The following MAPK8IP3 variants were observed in gnomAD, a reference collection of about 807,000 sequenced individuals.
The protein encoded by MAPK8IP3 is C-Jun-amino-terminal kinase-interacting protein 3.
MAPK8IP3 carries 49 observed loss-of-function variants against 157.8 expected under a neutral mutation model. The ratio of observed to expected loss-of-function variants is 0.31; its 90% CI spans 0.25 to 0.39. MAPK8IP3 has a LOEUF of 0.39. Among genes scored for constraint, MAPK8IP3 ranks in the 10% least tolerant of loss-of-function variants. The pLI, the probability that MAPK8IP3 is intolerant of heterozygous loss-of-function variation, is 1.00. For synonymous variants in MAPK8IP3, 897 were observed against 777.7 expected (o/e 1.15, Z -2.55); for missense variants, 1,478 against 1,889.4 (o/e 0.78, Z 4.04).
chr16:1,728,847 C>T (rs1315549684), intron 2 of MAPK8IP3, among the ~76,000 whole-genome samples: 4 of 149,470 alleles, frequency 2.7e-5, no homozygotes, highest in Non-Finnish European at 4.4e-5. Flanking sequence ...TCTCCCATGG[C>T]ACAGCACACA....
chr16:1,756,009 G>A (rs927283321), intron 8 of MAPK8IP3, among the ~76,000 whole-genome samples: 23 of 152,326 alleles, frequency 1.5e-4, no homozygotes, highest in South Asian at 1.4e-3. Flanking sequence ...GACTAGGGTG[G>A]AGCAGGTGCT....
At chr16:1,759,035 A>G in intron 10 of MAPK8IP3, 40 bp downstream of exon 10, 3 of 1,611,784 alleles carry the variant, frequency 1.9e-6, no homozygotes, top group Non-Finnish European at 2.5e-6. Context: ...TCGCTCCTCC[A>G]CCCCGACATG....
At position 1,723,486 on chromosome 16, in the gene MAPK8IP3, G is replaced by A. The variant is rs142691377; in HGVS notation, c.319-1071G>A. On this transcript the variant is annotated intron_variant, in intron 1 of 31. Coordinates refer to ENST00000610761, the MANE Select transcript of MAPK8IP3 (RefSeq NM_001318852.2). ...TTCTTTAAAATTAGCCAGGCATGGT[G>A]ACACATGCCTGTAGTCCCAGCTGCT... Among the ~76,000 whole-genome samples the A allele has an allele frequency of 5.2e-3, 796 of 152,172 alleles. 1 individual carries two copies. The highest frequency in any genetic ancestry group is 8.7e-3 in the Non-Finnish European group (589 of 68,014).
Position 1,706,376 on chromosome 16 carries a change from G to A in MAPK8IP3, c.37G>A (p.Val13Met), listed in dbSNP as rs753488461. Residue 13 changes from valine to methionine, a missense_variant, in exon 1 of 32, where the codon GTG (valine) becomes ATG (methionine). Around this residue, in one of 11 missense-constraint regions of MAPK8IP3, gnomAD observed 29 missense variants for 29.8 expected, o/e 0.97. Transcript: ENST00000610761. This position sits in a 1 kb window ranked among gnomAD's most constrained non-coding sequence, Gnocchi z 5.1. ...EIQMDEGGGV[V>M]VYQDDYCSGS... ...CCAGATGGACGAGGGCGGCGGCGTGGTGGTGTACCAGGACGACTACTGCTC... is the reference window on the plus strand; with the variant it reads ...CCAGATGGACGAGGGCGGCGGCGTGATGGTGTACCAGGACGACTACTGCTC... 1.9e-6 allele frequency: 3 copies of A among 1,609,706 alleles called. No individual in the cohort carries two copies. The East Asian group carries it at 6.7e-5, about 36-fold the overall frequency.
chr16:1,767,042 C>T lies in MAPK8IP3; in HGVS notation c.3088+71C>T, dbSNP rs375218229. The T allele has an allele frequency of 6.2e-5, 98 of 1,569,500 alleles. No individual in the cohort carries two copies. In the East Asian group the frequency reaches 1.4e-3, roughly 22 times the overall value. On this transcript the variant is annotated intron_variant, in intron 25 of 31. Coordinates refer to ENST00000610761, the MANE Select transcript of MAPK8IP3 (RefSeq NM_001318852.2). ...TGGCATTGTTTAGCCAAGGGGCTCC[C>T]GGGGTTCCAGGCCTCTCCTTAGTCT...
rs887798337 is a variant in MAPK8IP3 at position 1,751,076 on chromosome 16, G to A, written c.1216+2356G>A. Among the ~76,000 whole-genome samples the A allele has an allele frequency of 3.3e-5, 5 of 152,198 alleles. No individual in the cohort carries two copies. Among genetic ancestry groups the A allele is most frequent in the Non-Finnish European group, 7.3e-5 (5 of 68,034 alleles). On this transcript the variant is annotated intron_variant, in intron 8 of 31. Coordinates refer to ENST00000610761, the MANE Select transcript of MAPK8IP3 (RefSeq NM_001318852.2). The surrounding 1 kb of genome is among the most constrained non-coding windows in gnomAD (Gnocchi z 5.0). Reference sequence around the variant, plus strand: ...TCTCATTGTGGGCGGTGTCATTTCCGTGGGTGGCAGCACTGACGGGCACGG... The same window carrying A: ...TCTCATTGTGGGCGGTGTCATTTCCATGGGTGGCAGCACTGACGGGCACGG...
At chr16:1,730,641 A>C (rs2039245257) in intron 4 of MAPK8IP3, among the ~76,000 whole-genome samples, 1 of 152,168 alleles carries the variant, frequency 6.6e-6, no homozygotes, top group Admixed American at 6.6e-5. Flanking sequence ...CAGGAGATCG[A>C]GACCATCCTG....
chr16:1,753,702 A>G (rs2041431417), intron 8 of MAPK8IP3, among the ~76,000 whole-genome samples: 1 of 150,944 alleles, frequency 6.6e-6, no homozygotes, highest in Admixed American at 6.6e-5. Flanking sequence ...CGGCCTCCCA[A>G]AGTGCTGGGA....
Position 1,737,770 on chromosome 16 carries a change from G to A in MAPK8IP3, c.603-5562G>A, listed in dbSNP as rs529581843. ...TGACCATCCGTGTGTGTGACCATCC[G>A]TGTGAGTGACCATCCATGTGAGCAT... On this transcript the variant is annotated intron_variant, in intron 4 of 31. Coordinates refer to ENST00000610761, the MANE Select transcript of MAPK8IP3 (RefSeq NM_001318852.2). 9.4e-4 allele frequency among the ~76,000 whole-genome samples: 16 copies of A among 17,036 alleles called. 2 individuals are homozygous for A. The highest frequency in any genetic ancestry group is 0.013 in the East Asian group (1 of 76). 11.2% of individuals were successfully genotyped at this position (17,036 alleles called of 152,430 possible).
chr16:1,763,885 G>T lies in MAPK8IP3; in HGVS notation c.2025+102G>T, dbSNP rs560659487. On this transcript the variant is annotated intron_variant, in intron 17 of 31. Coordinates refer to ENST00000610761, the MANE Select transcript of MAPK8IP3 (RefSeq NM_001318852.2). ...CGGGGAGAGGGCGGGGCAGTGCTAG[G>T]GGGTGGGAGAGGACGGCGGGTGGGG... is the stretch of plus-strand genomic sequence containing the variant. 2.5e-5 allele frequency: 25 copies of T among 1,011,908 alleles called. No individual in the cohort carries two copies. The African/African-American group carries it at 3.8e-4, about 15-fold the overall frequency. The allele number at this position is 1,011,908 out of a possible 1,614,324, so 62.7% of individuals were successfully genotyped here. A position where few individuals can be genotyped will look rare whatever the true frequency, so the allele number is the denominator to read the frequency against.
intron 4 of MAPK8IP3, among the ~76,000 whole-genome samples, chr16:1,739,142 G>A (rs373051626): frequency 9.0e-4 from 124 of 137,488 alleles, no homozygotes; most frequent in African/African-American, 3.3e-3. Context: ...GTGACCGTCC[G>A]TGTGTGTGAC....
At chr16:1,752,216 G>A (rs1015999555) in intron 8 of MAPK8IP3, 5 of 162,678 alleles carry the variant, frequency 3.1e-5, no homozygotes, top group Middle Eastern at 3.0e-3. Context: ...CCACGAGACC[G>A]TGAGGCAGTC....
intron 4 of MAPK8IP3, among the ~76,000 whole-genome samples, chr16:1,735,530 C>T (rs1296137879): frequency 5.4e-5 from 7 of 129,142 alleles, no homozygotes; most frequent in Non-Finnish European, 7.8e-5. Context: ...GCCGTGTGAC[C>T]GTCCGTGTGA....
rs2042256457 is a variant in MAPK8IP3, at chr16:1,766,303, C to T, written c.2713C>T (p.Pro905Ser). ...EATEATEVPD[P>S]GPSEPETATL... is the part of the protein sequence containing the mutation. ...CACAGAGGCCACGGAGGTGCCAGAC[C>T]CTGGGCCCAGCGAGCCAGAGACAGC... The change falls in exon 22 of 32, where the codon CCT (proline) becomes TCT (serine). Residue 905 changes from proline (P) to serine (S), a missense_variant. Around this residue, in one of 11 missense-constraint regions of MAPK8IP3, gnomAD observed 669 missense variants for 759.8 expected, o/e 0.88. Coordinates refer to ENST00000610761, the MANE Select transcript of MAPK8IP3 (RefSeq NM_001318852.2). 1.9e-6 allele frequency: 3 copies of T among 1,612,754 alleles called. No individual in the cohort carries two copies. The highest frequency in any genetic ancestry group is 1.7e-6 in the Non-Finnish European group (2 of 1,180,006).
At chr16:1,759,929 A>G in intron 10 of MAPK8IP3, 29 bp from the exon 11 acceptor site, 2 of 1,606,226 alleles carry the variant, frequency 1.2e-6, no homozygotes, top group Non-Finnish European at 1.7e-6. Flanking sequence ...TGAAGGGCAC[A>G]GGTGAAACCT....
chr16:1,767,750 C>T lies in MAPK8IP3; in HGVS notation c.3409+15C>T. 1 of 1,612,360 alleles carries T rather than the reference C, an allele frequency of 6.2e-7. No homozygotes were observed. Among genetic ancestry groups the T allele is most frequent in the Non-Finnish European group, 8.5e-7 (1 of 1,179,788 alleles). On this transcript the variant is annotated intron_variant, in intron 27 of 31. Coordinates refer to ENST00000610761, the MANE Select transcript of MAPK8IP3 (RefSeq NM_001318852.2). Reference sequence around the variant, plus strand: ...CAAGATGCTAGGTGAGGGGCCACGCCAGATGGGGTGGTGGGGTGCTCAAGG... The same window carrying T: ...CAAGATGCTAGGTGAGGGGCCACGCTAGATGGGGTGGTGGGGTGCTCAAGG...
In MAPK8IP3 at chr16:1,769,189, C is replaced by T; in HGVS notation, c.*365C>T. On this transcript the variant is annotated 3_prime_UTR_variant, in exon 32 of 32. Transcript: ENST00000610761. The stretch of plus-strand genomic sequence containing the variant: ...TACTCCCCAGCACCCCTGGAGGAGG[C>T]AGGGGCTCCCCGCCGCCGAGGCTGC... The T allele has an allele frequency of 3.8e-6, 1 of 265,158 alleles. No individual in the cohort carries two copies. Among genetic ancestry groups the T allele is most frequent in the Non-Finnish European group, 7.4e-6 (1 of 135,914 alleles). The allele number at this position is 265,158 out of a possible 1,614,324, so 16.4% of individuals were successfully genotyped here. A position where few individuals can be genotyped will look rare whatever the true frequency, so the allele number is the denominator to read the frequency against.
chr16:1,746,154 CAAG>C (rs1440753518), intron 5 of MAPK8IP3: 1 of 152,244 alleles, frequency 6.6e-6, no homozygotes, highest in Non-Finnish European at 1.5e-5. Context: ...TCCCACACCT[CAAG>C]GAGGGCCGGG....
In MAPK8IP3 at chr16:1,764,447, C is replaced by CGAG. The variant is rs764981573; in HGVS notation, c.2269_2271dup (p.Glu757dup). On this transcript the variant is annotated inframe_insertion, in exon 19 of 32. Coordinates refer to ENST00000610761, the MANE Select transcript of MAPK8IP3 (RefSeq NM_001318852.2). ...AGCCCAAGAGCGCCCACACGTCTCC[C>CGAG]GAGAAGAAGAAGGTGAGCATGGCCG... 1.2e-6 allele frequency: 2 copies of CGAG among 1,608,356 alleles called. No individual in the cohort carries two copies. The highest frequency in any genetic ancestry group is 1.1e-5 in the South Asian group (1 of 90,400).
Sources: gnomAD v4.1 joint callset for allele counts (sites outside exome capture counted in the v4.1 genomes callset) on GRCh38, gnomAD v4.1.1 for gene constraint, gnomAD v4.1.1 regional missense constraint, Gnocchi (gnomAD v3.1) non-coding constraint, MANE v1.5 for transcripts, NCBI Gene and HGNC (gene_info 2026-07-23, HGNC 2026-07-21) for gene names.